The following ARHGAP24 variants were observed in gnomAD, a reference collection of about 807,000 sequenced individuals.
The protein encoded by ARHGAP24 is rho GTPase-activating protein 24.
A neutral mutation model predicts 76.4 loss-of-function variants in ARHGAP24; 50 were observed. That is an observed-to-expected ratio of 0.65 (90% CI 0.52 to 0.83). The LOEUF is 0.83. Among genes scored for constraint, ARHGAP24 ranks in the 40% least tolerant of loss-of-function variants. The pLI, the probability that ARHGAP24 is intolerant of heterozygous loss-of-function variation, is 0.00. For synonymous variants in ARHGAP24, 345 were observed against 323.3 expected, an observed-to-expected ratio of 1.07 and a Z score of -0.72; for missense variants, 930 against 914.2, an observed-to-expected ratio of 1.02 and a Z score of -0.22.
chr4:85,711,003 A>G (rs185568792), intron 2 of ARHGAP24, among the ~76,000 whole-genome samples: 186 of 152,324 alleles, frequency 1.2e-3, no homozygotes, highest in African/African-American at 4.3e-3. Context: ...ATCAACCTAA[A>G]TACCCATGTA....
intron 2 of ARHGAP24, among the ~76,000 whole-genome samples, chr4:85,689,360 T>A (rs1168237571): frequency 6.6e-6 from 1 of 152,170 alleles, no homozygotes; most frequent in Non-Finnish European, 1.5e-5. Context: ...ATGTTGTTGC[T>A]GGATAGAAAT....
intron 2 of ARHGAP24, among the ~76,000 whole-genome samples, chr4:85,702,577 A>T (rs1724136903): frequency 6.6e-6 from 1 of 152,192 alleles, no homozygotes; most frequent in Non-Finnish European, 1.5e-5. Flanking sequence ...ATTGAAACAC[A>T]ATAAAAAATT....
At chr4:85,579,870 G>A (rs1727537497) in intron 2 of ARHGAP24, among the ~76,000 whole-genome samples, 1 of 151,976 alleles carries the variant, frequency 6.6e-6, no homozygotes, top group African/African-American at 2.4e-5. Context: ...GGACATATGG[G>A]TTGTTTACAC....
At chr4:85,543,758 G>A (rs1173203255) in intron 1 of ARHGAP24, among the ~76,000 whole-genome samples, 1 of 152,092 alleles carries the variant, frequency 6.6e-6, no homozygotes, top group Non-Finnish European at 1.5e-5. Context: ...AGCCGTGTTA[G>A]GAAGCAGAAT....
chr4:85,836,286 G>T (rs1308725092), intron 3 of ARHGAP24, among the ~76,000 whole-genome samples: 1 of 152,146 alleles, frequency 6.6e-6, no homozygotes. Context: ...TCTCAAAACT[G>T]CTGTAACAAA....
At chr4:85,556,028 T>C (rs1726347417) in intron 1 of ARHGAP24, among the ~76,000 whole-genome samples, 1 of 151,982 alleles carries the variant, frequency 6.6e-6, no homozygotes, top group Non-Finnish European at 1.5e-5. Flanking sequence ...TGGTTGCCTC[T>C]GGAAGCTTCA....
chr4:85,924,262 G>A (rs1166126090), intron 4 of ARHGAP24, among the ~76,000 whole-genome samples: 1 of 152,130 alleles, frequency 6.6e-6, no homozygotes, highest in Non-Finnish European at 1.5e-5. Context: ...AAATTTGAAA[G>A]TAAGTTTTTA....
intron 3 of ARHGAP24, among the ~76,000 whole-genome samples, chr4:85,922,415 C>T (rs768567588): frequency 2.0e-5 from 3 of 152,154 alleles, no homozygotes; most frequent in Non-Finnish European, 4.4e-5. Context: ...CTGTAAACTC[C>T]TTATAAAAGT....
intron 2 of ARHGAP24, among the ~76,000 whole-genome samples, chr4:85,619,303 T>TAGAC (rs1224867929): frequency 6.6e-6 from 1 of 151,794 alleles, no homozygotes; most frequent in Non-Finnish European, 1.5e-5. Context: ...CTGGGCTCCC[T>TAGAC]ATTTTGTTCC....
intron 1 of ARHGAP24, among the ~76,000 whole-genome samples, chr4:85,502,508 G>A (rs1031028384): frequency 1.3e-5 from 2 of 152,172 alleles, no homozygotes; most frequent in East Asian, 3.8e-4. Flanking sequence ...ATTCACTCAT[G>A]ATTTGGCTCT....
intron 3 of ARHGAP24, among the ~76,000 whole-genome samples, chr4:85,730,953 G>T (rs1174702712): frequency 1.3e-5 from 2 of 149,264 alleles, no homozygotes; most frequent in Non-Finnish European, 3.0e-5. Flanking sequence ...ATATATGTCA[G>T]GCATTATATA....
chr4:85,880,762 C>T (rs1181769987), intron 3 of ARHGAP24, among the ~76,000 whole-genome samples: 2 of 152,172 alleles, frequency 1.3e-5, no homozygotes, highest in Admixed American at 1.3e-4. Flanking sequence ...ATCTCCTGAC[C>T]TCGTGATCCG....
At chr4:85,673,622 T>C (rs1342037699) in intron 2 of ARHGAP24, among the ~76,000 whole-genome samples, 1 of 149,356 alleles carries the variant, frequency 6.7e-6, no homozygotes, top group Non-Finnish European at 1.5e-5. Context: ...AGCTTGGAGA[T>C]CATTCTAATA....
chr4:85,862,592 C>T (rs1277402207), intron 3 of ARHGAP24, among the ~76,000 whole-genome samples: 1 of 152,076 alleles, frequency 6.6e-6, no homozygotes, highest in East Asian at 1.9e-4. Flanking sequence ...TAACAGGGCT[C>T]ACCCCCTACT....
In ARHGAP24 at chr4:86,000,878, T is replaced by C; in HGVS notation, c.*156T>C. ...AGACATTAAACATCCATATCTGCAA[T>C]GTGTACCAAAGTTATATCATGCCCC... On this transcript the variant is annotated 3_prime_UTR_variant, in exon 10 of 10. Transcript: ENST00000395184. 1 of 1,113,886 alleles carries C rather than the reference T, an allele frequency of 9.0e-7. No individual in the cohort carries two copies. The highest frequency in any genetic ancestry group is 1.3e-6 in the Non-Finnish European group (1 of 777,340). 69.0% of individuals were successfully genotyped at this position (1,113,886 alleles called of 1,614,324 possible).
intron 6 of ARHGAP24, 82 bp downstream of exon 6, chr4:85,972,250 A>T: frequency 3.2e-6 from 5 of 1,572,024 alleles, no homozygotes; most frequent in Non-Finnish European, 4.3e-6. Context: ...GTAAATTTCC[A>T]TTGCCCTATC....
At chr4:85,635,312 C>T (rs544041060) in intron 2 of ARHGAP24, among the ~76,000 whole-genome samples, 1 of 151,818 alleles carries the variant, frequency 6.6e-6, no homozygotes, top group South Asian at 2.1e-4. Context: ...TTAACACATT[C>T]ATCCCCAACC....
chr4:85,680,133 C>T (rs1296581515), intron 2 of ARHGAP24, among the ~76,000 whole-genome samples: 1 of 152,172 alleles, frequency 6.6e-6, no homozygotes, highest in Non-Finnish European at 1.5e-5. Flanking sequence ...CATCCAATCA[C>T]AGTCATCTCT....
chr4:85,973,938 G>T (rs1021061910), intron 6 of ARHGAP24, among the ~76,000 whole-genome samples: 1 of 141,098 alleles, frequency 7.1e-6, no homozygotes, highest in Non-Finnish European at 1.5e-5. Flanking sequence ...CGCCTCCAGG[G>T]TTCACACCAT....
Sources: gnomAD v4.1 joint callset for allele counts (sites outside exome capture counted in the v4.1 genomes callset) on GRCh38, gnomAD v4.1.1 for gene constraint, MANE v1.5 for transcripts, NCBI Gene and HGNC (gene_info 2026-07-23, HGNC 2026-07-21) for gene names.